ADAM9: variants seen among roughly 807,000 people sequenced by gnomAD.
ADAM9 encodes disintegrin and metalloproteinase domain-containing protein 9.
ADAM9 carries 54 observed loss-of-function variants against 108.1 expected under a neutral mutation model. The observed-to-expected ratio is 0.50, with a 90% CI of 0.40 to 0.63. The LOEUF is 0.63. Among genes scored for constraint, ADAM9 ranks in the 20% least tolerant of loss-of-function variants. The pLI is 0.00. For synonymous variants in ADAM9, 316 were observed against 336.0 expected, an observed-to-expected ratio of 0.94 and a Z score of 0.65; for missense variants, 830 against 997.7, an observed-to-expected ratio of 0.83 and a Z score of 2.26.
intron 1 of ADAM9, among the ~76,000 whole-genome samples, chr8:38,998,626 A>T (rs140613234): frequency 5.4e-4 from 83 of 152,294 alleles, no homozygotes; most frequent in African/African-American, 1.8e-3. Flanking sequence ...AAGGTGACCA[A>T]ATATGCTAAG....
At chr8:39,080,653 A>G (rs1838991990) in intron 16 of ADAM9, among the ~76,000 whole-genome samples, 1 of 152,212 alleles carries the variant, frequency 6.6e-6, no homozygotes, top group African/African-American at 2.4e-5. Flanking sequence ...GAGCAGACTG[A>G]CAACTTGGTA....
chr8:39,028,781 C>A (rs190003233), intron 11 of ADAM9, among the ~76,000 whole-genome samples: 1 of 152,052 alleles, frequency 6.6e-6, no homozygotes, highest in African/African-American at 2.4e-5. Flanking sequence ...ATAAGAAAAT[C>A]AATAATATAG....
At chr8:39,074,640 A>C (rs1290240793) in intron 15 of ADAM9, among the ~76,000 whole-genome samples, 1 of 152,020 alleles carries the variant, frequency 6.6e-6, no homozygotes, top group Non-Finnish European at 1.5e-5. Flanking sequence ...AAGTGTCCTC[A>C]AACTGTCTTT....
At chr8:39,092,634 T>TAA (rs550345945) in intron 20 of ADAM9, among the ~76,000 whole-genome samples, 1 of 148,394 alleles carries the variant, frequency 6.7e-6, no homozygotes, top group African/African-American at 2.5e-5. Context: ...ACAGTAGTGG[T>TAA]AAAAAAAAAA....
intron 15 of ADAM9, among the ~76,000 whole-genome samples, chr8:39,074,540 A>C (rs1838794330): frequency 6.6e-6 from 1 of 152,026 alleles, no homozygotes; most frequent in African/African-American, 2.4e-5. Context: ...GTCTTCAACA[A>C]ATAAGGCCAT....
chr8:39,035,056 G>A (rs1290626834), intron 11 of ADAM9, among the ~76,000 whole-genome samples: 3 of 152,014 alleles, frequency 2.0e-5, no homozygotes, highest in African/African-American at 2.4e-5. Flanking sequence ...TCTCTCTTAC[G>A]CCTCTGTGAT....
At chr8:39,091,489 T>C in intron 20 of ADAM9, 143 bp downstream of exon 20, 1 of 762,590 alleles carries the variant, frequency 1.3e-6, no homozygotes, top group South Asian at 1.8e-5. Flanking sequence ...GTCCCTGAGT[T>C]TTTTGTTTTT....
chr8:39,057,147 G>A (rs965762583), intron 14 of ADAM9, among the ~76,000 whole-genome samples: 7 of 152,024 alleles, frequency 4.6e-5, no homozygotes, highest in African/African-American at 1.7e-4. Context: ...GCAATAGGCT[G>A]TACCACATAG....
chr8:39,104,566 G>T lies in ADAM9; in HGVS notation c.*866G>T, dbSNP rs1013945627. ...GCAATTATAAAATCTTCAATCAATT[G>T]AACTTTTACAAAACCACTTGAGAAT... On this transcript the variant is annotated 3_prime_UTR_variant, in exon 22 of 22. Transcript: ENST00000487273. 4 of 402,312 alleles carry T rather than the reference G, an allele frequency of 9.9e-6. No individual in the cohort carries two copies. The highest frequency in any genetic ancestry group is 1.9e-5 in the Non-Finnish European group (4 of 207,040). 24.9% of individuals were successfully genotyped at this position (402,312 alleles called of 1,614,324 possible).
chr8:39,093,310 T>C (rs146174577), intron 20 of ADAM9, among the ~76,000 whole-genome samples: 5 of 152,324 alleles, frequency 3.3e-5, no homozygotes, highest in African/African-American at 1.2e-4. Context: ...TTTTTTGTGG[T>C]TAAATTTATT....
intron 9 of ADAM9, among the ~76,000 whole-genome samples, chr8:39,023,769 C>T (rs1172378808): frequency 2.0e-5 from 2 of 101,944 alleles, no homozygotes; most frequent in Admixed American, 2.9e-4. Context: ...TTTTTGGAGA[C>T]AGAGTCTCAC....
chr8:39,030,632 A>ATATGTTAAGAGAG (rs1837068041), intron 11 of ADAM9, among the ~76,000 whole-genome samples: 1 of 152,210 alleles, frequency 6.6e-6, no homozygotes, highest in African/African-American at 2.4e-5. Context: ...TTGCTGGATC[A>ATATGTTAAGAGAG]TATGTTAAGA....
intron 4 of ADAM9, chr8:39,014,925 C>A: frequency 5.2e-6 from 1 of 191,422 alleles, no homozygotes; most frequent in Non-Finnish European, 1.1e-5. Flanking sequence ...TGTTGTTGGT[C>A]CATTGTTTAA....
rs1839072246 is a variant in ADAM9 at position 39,083,083 on chromosome 8, A to G, written c.2068+10A>G. The G allele has an allele frequency of 1.2e-6, 2 of 1,608,812 alleles. No homozygotes were observed. Among genetic ancestry groups the G allele is most frequent in the South Asian group, 1.1e-5 (1 of 90,898 alleles). ...GGACCTACATACAATGGCAAGTAAT[A>G]TAGAAGAAAATTAGTGTGATCTCCC... On this transcript the variant is annotated intron_variant, in intron 18 of 21. Coordinates refer to ENST00000487273, the MANE Select transcript of ADAM9 (RefSeq NM_003816.3).
chr8:39,055,593 C>T lies in ADAM9; in HGVS notation c.1412C>T (p.Thr471Ile). Reference protein sequence around the residue: ...CKDCRFLPGGTLCRGKTSECD... With the variant: ...CKDCRFLPGGILCRGKTSECD... ...TTTCACTAGTTCCTTCCAGGAGGTA[C>T]TTTATGCCGAGGAAAAACCAGTGAG... Residue 471 changes from threonine (T) to isoleucine (I), a missense_variant, in exon 14 of 22, where the codon ACT becomes ATT. By Grantham distance (89) the Thr-to-Ile change is moderately conservative. Around this residue, in one of 3 missense-constraint regions of ADAM9, gnomAD observed 381 missense variants for 539.8 expected, o/e 0.71. Coordinates refer to ENST00000487273, the MANE Select transcript of ADAM9 (RefSeq NM_003816.3). The T allele has an allele frequency of 6.2e-7, 1 of 1,613,652 alleles. No homozygotes were observed. The highest frequency in any genetic ancestry group is 8.5e-7 in the Non-Finnish European group (1 of 1,179,664).
rs1217589037 is a variant in ADAM9 at position 39,104,804 on chromosome 8, A to G, written c.*1104A>G. 4 of 453,788 alleles carry G rather than the reference A, an allele frequency of 8.8e-6. No homozygotes were observed. Among genetic ancestry groups the G allele is most frequent in the Non-Finnish European group, 1.8e-5 (4 of 226,606 alleles). 28.1% of individuals were successfully genotyped at this position (453,788 alleles called of 1,614,324 possible). A position where few individuals can be genotyped will look rare whatever the true frequency, so the allele number is the denominator to read the frequency against. ...GAGTTATCATCTTAGCTGTGTTAAA[A>G]ATGAATTTTTACTATGGCAGATATG... is the stretch of plus-strand genomic sequence containing the variant. On this transcript the variant is annotated 3_prime_UTR_variant, in exon 22 of 22. Transcript: ENST00000487273.
intron 14 of ADAM9, among the ~76,000 whole-genome samples, chr8:39,065,615 G>A (rs893264972): frequency 5.4e-5 from 7 of 129,676 alleles, no homozygotes; most frequent in African/African-American, 1.5e-4. Flanking sequence ...AGCCGAGATC[G>A]CACCATTGCA....
At chr8:39,025,670 A>C (rs1210317997) in intron 9 of ADAM9, 133 bp from the exon 10 acceptor site, 1 of 773,742 alleles carries the variant, frequency 1.3e-6, no homozygotes, top group Non-Finnish European at 2.1e-6. Flanking sequence ...CTGATTTTAG[A>C]ATTTTTTTTT....
At chr8:39,079,741 T>G (rs1346353836) in intron 16 of ADAM9, among the ~76,000 whole-genome samples, 1 of 152,112 alleles carries the variant, frequency 6.6e-6, no homozygotes, top group Admixed American at 6.6e-5. Context: ...TCTGCCACCA[T>G]GTCTGGCTAA....
Sources: gnomAD v4.1 joint callset for allele counts (sites outside exome capture counted in the v4.1 genomes callset) on GRCh38, gnomAD v4.1.1 for gene constraint, gnomAD v4.1.1 regional missense constraint, MANE v1.5 for transcripts, NCBI Gene and HGNC (gene_info 2026-07-23, HGNC 2026-07-21) for gene names.